Variants in FAM83B observed in about 807,000 individuals in gnomAD.
FAM83B encodes protein FAM83B.
A neutral mutation model predicts 38.8 loss-of-function variants in FAM83B; 26 were observed. The ratio of observed to expected loss-of-function variants is 0.67; its 90% CI spans 0.49 to 0.93. The LOEUF is 0.93. Ranked by LOEUF, FAM83B falls within the 40% of genes least tolerant of loss-of-function variation. The pLI, the probability that FAM83B is intolerant of heterozygous loss-of-function variation, is 0.00. For synonymous variants in FAM83B, 419 were observed against 423.1 expected (o/e 0.99, Z 0.12); for missense variants, 1,237 against 1,197.3 (o/e 1.03, Z -0.49).
intron 2 of FAM83B, among the ~76,000 whole-genome samples, chr6:54,915,792 G>T (rs1773021902): frequency 1.4e-5 from 1 of 69,126 alleles, no homozygotes; most frequent in Admixed American, 1.8e-4. Context: ...CGGCCTGGGC[G>T]ACAGAGCGAG....
chr6:54,936,061 C>T (rs1773517686), intron 4 of FAM83B, among the ~76,000 whole-genome samples: 2 of 152,014 alleles, frequency 1.3e-5, no homozygotes, highest in Admixed American at 1.3e-4. Context: ...ACTGGCAATA[C>T]GGACTTCGGA....
chr6:54,881,462 T>G (rs1772128691), intron 2 of FAM83B, among the ~76,000 whole-genome samples: 1 of 152,174 alleles, frequency 6.6e-6, no homozygotes, highest in Non-Finnish European at 1.5e-5. Context: ...TTTTCTTCCT[T>G]GAACTCAAAC....
chr6:54,894,054 G>A (rs1460549558), intron 2 of FAM83B, among the ~76,000 whole-genome samples: 1 of 152,194 alleles, frequency 6.6e-6, no homozygotes, highest in African/African-American at 2.4e-5. Context: ...ATTCCATGAA[G>A]TAAACTGTGT....
chr6:54,938,930 T>TTGCA (rs1773587387), intron 4 of FAM83B, among the ~76,000 whole-genome samples: 2 of 152,172 alleles, frequency 1.3e-5, no homozygotes, highest in Non-Finnish European at 2.9e-5. Context: ...CATGAATTCT[T>TTGCA]TGCATAAGCC....
intron 2 of FAM83B, among the ~76,000 whole-genome samples, chr6:54,882,527 T>G (rs559233427): frequency 6.6e-6 from 1 of 152,240 alleles, no homozygotes; most frequent in Admixed American, 6.5e-5. Flanking sequence ...GGCTTACCAT[T>G]ATGGTGTATT....
intron 2 of FAM83B, among the ~76,000 whole-genome samples, chr6:54,873,504 C>CA (rs1251573900): frequency 2.6e-5 from 4 of 152,092 alleles, no homozygotes; most frequent in Non-Finnish European, 5.9e-5. Flanking sequence ...CAACAGATGT[C>CA]ATGCTCTTAT....
chr6:54,937,097 C>T (rs893393773), intron 4 of FAM83B, among the ~76,000 whole-genome samples: 1 of 151,158 alleles, frequency 6.6e-6, no homozygotes, highest in African/African-American at 2.4e-5. Context: ...TTTTTATTGT[C>T]TCCTTTATAG....
chr6:54,939,075 A>G (rs1051720058), intron 4 of FAM83B, among the ~76,000 whole-genome samples: 1 of 152,162 alleles, frequency 6.6e-6, no homozygotes, highest in Non-Finnish European at 1.5e-5. Flanking sequence ...ATTCTTCTAC[A>G]TGTGGCTTGC....
At chr6:54,895,065 A>G (rs1260332730) in intron 2 of FAM83B, among the ~76,000 whole-genome samples, 2 of 152,370 alleles carry the variant, frequency 1.3e-5, no homozygotes, top group African/African-American at 4.8e-5. Flanking sequence ...AGCTGAATCC[A>G]AGACTGACAC....
chr6:54,927,718 T>C, intron 4 of FAM83B, 86 bp downstream of exon 4: 1 of 953,394 alleles, frequency 1.0e-6, no homozygotes, highest in Non-Finnish European at 1.4e-6. Flanking sequence ...GTTAAGCTTT[T>C]TCTTAAAAGT....
intron 2 of FAM83B, among the ~76,000 whole-genome samples, chr6:54,883,499 T>C (rs1197276051): frequency 6.6e-6 from 1 of 151,642 alleles, no homozygotes; most frequent in Non-Finnish European, 1.5e-5. Flanking sequence ...CATGCCTGGC[T>C]AATTTTTTGT....
intron 4 of FAM83B, among the ~76,000 whole-genome samples, chr6:54,934,659 GA>G (rs1191541040): frequency 6.6e-6 from 1 of 152,100 alleles, no homozygotes; most frequent in African/African-American, 2.4e-5. Context: ...TAAAGTTTCT[GA>G]GTTCAGACTT....
At chr6:54,851,038 A>AAAC (rs1561901781) in intron 1 of FAM83B, among the ~76,000 whole-genome samples, 3 of 137,962 alleles carry the variant, frequency 2.2e-5, no homozygotes, top group Non-Finnish European at 3.1e-5. Context: ...AAAAAAAAAA[A>AAAC]GTGCTGTATT....
In FAM83B at chr6:54,940,622, C is replaced by T; in HGVS notation, c.1651C>T (p.Pro551Ser). The change falls in exon 5 of 5, where the codon CCT becomes TCT. Residue 551 changes from proline to serine, a missense_variant. Coordinates refer to ENST00000306858, the MANE Select transcript of FAM83B (RefSeq NM_001010872.3). ...CTCTTTAGTATTTAAACCCACTTTA[C>T]CTGAGCAAAAGGAAGTTAACAGTTG... Reference protein sequence around the residue: ...RSSLVFKPTLPEQKEVNSCTT... With the variant: ...RSSLVFKPTLSEQKEVNSCTT... 3.7e-6 allele frequency: 6 copies of T among 1,614,028 alleles called. No individual in the cohort carries two copies. The highest frequency in any genetic ancestry group is 5.1e-6 in the Non-Finnish European group (6 of 1,180,014).
chr6:54,906,189 TAG>T (rs1244591691), intron 2 of FAM83B, among the ~76,000 whole-genome samples: 1 of 152,052 alleles, frequency 6.6e-6, no homozygotes, highest in Non-Finnish European at 1.5e-5. Flanking sequence ...CCACAAGATA[TAG>T]AGTGTCTAGT....
intron 1 of FAM83B, among the ~76,000 whole-genome samples, chr6:54,849,315 TGGCCCCTAA>T (rs1185005560): frequency 1.3e-5 from 2 of 152,180 alleles, no homozygotes; most frequent in Non-Finnish European, 2.9e-5. Flanking sequence ...AGAAGTATCC[TGGCCCCTAA>T]GGGTAGAGCA....
At chr6:54,876,985 T>C (rs1772012074) in intron 2 of FAM83B, among the ~76,000 whole-genome samples, 1 of 152,230 alleles carries the variant, frequency 6.6e-6, no homozygotes, top group Non-Finnish European at 1.5e-5. Flanking sequence ...TTTAGTAGTT[T>C]GTTGGAATGG....
chr6:54,940,931 C>T lies in FAM83B; in HGVS notation c.1960C>T (p.Gln654Ter). The T allele has an allele frequency of 6.2e-7, 1 of 1,613,312 alleles. No homozygotes were observed. Among genetic ancestry groups the T allele is most frequent in the African/African-American group, 1.3e-5 (1 of 74,932 alleles). The change falls in exon 5 of 5, where the codon CAA becomes TAA. Residue 654 changes from glutamine (Q) to a stop codon, truncating the protein, a stop_gained. Transcript: ENST00000306858. LOFTEE classifies it high-confidence loss of function. ...VNKQTENLKN[Q>*]QTENLLKRRS... is the part of the protein sequence containing the mutation. ...TAAGCAGACAGAAAATCTAAAGAATCAACAGACTGAGAATCTACTTAAAAG... is the reference window on the plus strand; with the variant it reads ...TAAGCAGACAGAAAATCTAAAGAATTAACAGACTGAGAATCTACTTAAAAG...
chr6:54,890,782 T>C (rs2127580247), intron 2 of FAM83B, among the ~76,000 whole-genome samples: 1 of 152,208 alleles, frequency 6.6e-6, no homozygotes, highest in Non-Finnish European at 1.5e-5. Flanking sequence ...AATTTACACA[T>C]TTATCATGTG....
Sources: gnomAD v4.1 joint callset for allele counts (sites outside exome capture counted in the v4.1 genomes callset) on GRCh38, gnomAD v4.1.1 for gene constraint, MANE v1.5 for transcripts, NCBI Gene and HGNC (gene_info 2026-07-23, HGNC 2026-07-21) for gene names.